SEL1L: variants seen among roughly 807,000 people sequenced by gnomAD.
SEL1L encodes SEL1L adaptor subunit of SYVN1 ubiquitin ligase.
Under a neutral mutation model 109.8 loss-of-function variants are expected in SEL1L, and 52 were observed. That is an observed-to-expected ratio of 0.47 (90% CI 0.38 to 0.60). The LOEUF (loss-of-function observed/expected upper bound fraction) is 0.60. Ranked by LOEUF, SEL1L falls within the 20% of genes least tolerant of loss-of-function variation. The probability of loss-of-function intolerance (pLI) is 0.00; values close to 1 mark genes in which losing one functional copy is unlikely to be tolerated. For synonymous variants in SEL1L, 373 were observed against 339.6 expected (o/e 1.10, Z -1.08); for missense variants, 749 against 962.2 (o/e 0.78, Z 2.93).
chr14:81,501,633 T>G (rs1236602526), intron 6 of SEL1L, among the ~76,000 whole-genome samples: 1 of 152,186 alleles, frequency 6.6e-6, no homozygotes, highest in Non-Finnish European at 1.5e-5. Context: ...TCCCTTGTGA[T>G]TAGATATTTC....
chr14:81,492,625 C>G, intron 11 of SEL1L, 77 bp from the exon 12 acceptor site: 1 of 976,534 alleles, frequency 1.0e-6, no homozygotes, highest in Non-Finnish European at 1.5e-6. Flanking sequence ...ATAATTATTT[C>G]AGGAACATTT....
chr14:81,511,715 G>A (rs535807427), intron 3 of SEL1L, among the ~76,000 whole-genome samples: 41 of 152,206 alleles, frequency 2.7e-4, no homozygotes, highest in Admixed American at 5.2e-4. Flanking sequence ...CAACAATGAA[G>A]TAGAAATGCC....
intron 3 of SEL1L, among the ~76,000 whole-genome samples, chr14:81,512,126 T>C (rs1329956251): frequency 6.6e-6 from 1 of 152,172 alleles, no homozygotes; most frequent in East Asian, 1.9e-4. Context: ...TCTGGAAGTT[T>C]CTATGAAGGT....
chr14:81,519,076 T>C (rs768609341), intron 3 of SEL1L, among the ~76,000 whole-genome samples: 1 of 152,218 alleles, frequency 6.6e-6, no homozygotes, highest in Non-Finnish European at 1.5e-5. Flanking sequence ...TTCTGCAAGT[T>C]TGGTACATGC....
chr14:81,478,324 C>G (rs1037482616), intron 20 of SEL1L, among the ~76,000 whole-genome samples: 2 of 151,912 alleles, frequency 1.3e-5, no homozygotes, highest in South Asian at 4.2e-4. Context: ...TTCTTATGAT[C>G]GATACTTATT....
At chr14:81,515,013 C>A (rs888747989) in intron 3 of SEL1L, among the ~76,000 whole-genome samples, 2 of 152,190 alleles carry the variant, frequency 1.3e-5, no homozygotes, top group African/African-American at 2.4e-5. Context: ...GCAAAGCTTA[C>A]AATTTACATC....
intron 3 of SEL1L, among the ~76,000 whole-genome samples, chr14:81,521,496 A>G (rs906481271): frequency 1.3e-5 from 2 of 152,254 alleles, no homozygotes; most frequent in African/African-American, 4.8e-5. Context: ...GACACATCAT[A>G]ACTTCTTGGC....
At position 81,498,051 on chromosome 14, in the gene SEL1L, A is replaced by C. The variant is rs778016619; in HGVS notation, c.974-5T>G. 26 of 1,610,906 alleles carry C rather than the reference A, an allele frequency of 1.6e-5. No homozygotes were observed. Among genetic ancestry groups the C allele is most frequent in the Non-Finnish European group, 2.0e-5 (24 of 1,178,938 alleles). ...TTAGCGAGATATCACTAGCAACTGA[A>C]ATAGAGGGATAAAACAATAAGGTGG... On this transcript the variant is annotated splice_polypyrimidine_tract_variant and splice_region_variant and intron_variant, in intron 9 of 20. Transcript: ENST00000336735.
chr14:81,529,848 A>T (rs138586928), intron 1 of SEL1L, among the ~76,000 whole-genome samples: 2 of 152,220 alleles, frequency 1.3e-5, no homozygotes. Context: ...GGAACTTCTG[A>T]TAAGTAGTAT....
chr14:81,499,127 A>AC, intron 8 of SEL1L: 2 of 1,018,984 alleles, frequency 2.0e-6, no homozygotes, highest in Non-Finnish European at 2.4e-6. Flanking sequence ...CTAAAGAAAA[A>AC]TTTTTAAAAT....
At chr14:81,490,806 C>G (rs1883513056) in intron 12 of SEL1L, among the ~76,000 whole-genome samples, 1 of 152,186 alleles carries the variant, frequency 6.6e-6, no homozygotes, top group South Asian at 2.1e-4. Flanking sequence ...GAGGCTGAGG[C>G]AGCAGAATTG....
intron 4 of SEL1L, 31 bp from the exon 5 acceptor site, chr14:81,504,337 G>A: frequency 2.1e-6 from 3 of 1,444,302 alleles, no homozygotes; most frequent in Non-Finnish European, 2.8e-6. Context: ...GCATTTAAAT[G>A]GATTTTAATT....
chr14:81,477,259 G>T, intron 20 of SEL1L, 78 bp from the exon 21 acceptor site: 16 of 1,124,938 alleles, frequency 1.4e-5, no homozygotes, highest in Non-Finnish European at 2.1e-5. Flanking sequence ...ATCACCAGAA[G>T]TAAGTACAGA....
intron 3 of SEL1L, among the ~76,000 whole-genome samples, chr14:81,512,449 T>C (rs1301826354): frequency 6.6e-6 from 1 of 152,180 alleles, no homozygotes; most frequent in African/African-American, 2.4e-5. Flanking sequence ...CCAGGAGAAA[T>C]AGTTTCAGAA....
Position 81,498,228 on chromosome 14 carries a change from G to A in SEL1L, c.974-182C>T, listed in dbSNP as rs1883855934. 35 of 836,172 alleles carry A rather than the reference G, an allele frequency of 4.2e-5. 1 individual carries two copies. The highest frequency in any genetic ancestry group is 5.4e-5 in the East Asian group (2 of 37,112). The allele number at this position is 836,172 out of a possible 1,614,324, so 51.8% of individuals were successfully genotyped here. ...TAATAAATTGAACTTTTTTCACAAC[G>A]TAAATAGAACCTAAAGCAAAATTAT... On this transcript the variant is annotated intron_variant, in intron 9 of 20. Transcript: ENST00000336735.
intron 2 of SEL1L, among the ~76,000 whole-genome samples, chr14:81,527,282 A>T (rs1366286322): frequency 6.6e-6 from 1 of 152,142 alleles, no homozygotes; most frequent in Admixed American, 6.6e-5. Context: ...ACATTCCCTC[A>T]AATCTAAAGA....
intron 12 of SEL1L, among the ~76,000 whole-genome samples, chr14:81,492,145 C>T (rs1474179624): frequency 6.6e-6 from 1 of 152,084 alleles, no homozygotes; most frequent in African/African-American, 2.4e-5. Flanking sequence ...GCGCCCACCA[C>T]CACACCCGGC....
At chr14:81,488,136 G>A (rs1198773479) in intron 14 of SEL1L, among the ~76,000 whole-genome samples, 194 bp from the exon 15 acceptor site, 1 of 152,186 alleles carries the variant, frequency 6.6e-6, no homozygotes, top group Non-Finnish European at 1.5e-5. Context: ...TTAAGGTGGT[G>A]AAGAAAAGTA....
In SEL1L at chr14:81,493,281, G is replaced by A. The variant is rs147792917; in HGVS notation, c.1186-733C>T. Among the ~76,000 whole-genome samples, 112 of 152,200 alleles carry A rather than the reference G, an allele frequency of 7.4e-4. 2 individuals carry two copies. The East Asian group carries it at 0.02, about 27-fold the overall frequency. Reference sequence around the variant, plus strand: ...TCCCTGCACTTTGGGAGGCCAAGACGGGCGAATCACTTGAGGTCAGGAGTT... The same window carrying A: ...TCCCTGCACTTTGGGAGGCCAAGACAGGCGAATCACTTGAGGTCAGGAGTT... On this transcript the variant is annotated intron_variant, in intron 11 of 20. Coordinates refer to ENST00000336735, the MANE Select transcript of SEL1L (RefSeq NM_005065.6).
Sources: allele counts gnomAD v4.1 joint callset (sites outside exome capture counted in the v4.1 genomes callset), GRCh38; gene constraint gnomAD v4.1.1; transcripts MANE v1.5; gene names NCBI Gene and HGNC (gene_info 2026-07-23, HGNC 2026-07-21).